CACNA1E: variants seen among roughly 807,000 people sequenced by gnomAD.
The protein encoded by CACNA1E is calcium voltage-gated channel subunit alpha1 E.
In CACNA1E, 40 loss-of-function variants were observed where a neutral mutation model predicts 259.2. The observed-to-expected ratio is 0.15, with a 90% CI of 0.12 to 0.20. The LOEUF (loss-of-function observed/expected upper bound fraction) is 0.20, where lower values mean the gene tolerates loss of function less well. Ranked by LOEUF, CACNA1E falls within the 10% of genes least tolerant of loss-of-function variation. The pLI, the probability that CACNA1E is intolerant of heterozygous loss-of-function variation, is 1.00. For missense variants in CACNA1E, 1,874 were observed against 3,040.1 expected (o/e 0.62, Z 9.02); for synonymous variants, 1,104 against 1,138.5 (o/e 0.97, Z 0.61).
intron 6 of CACNA1E, among the ~76,000 whole-genome samples, chr1:181,628,588 T>G (rs1656414847): frequency 6.6e-6 from 1 of 152,174 alleles, no homozygotes; most frequent in South Asian, 2.1e-4. Context: ...TAGTGATCAT[T>G]CCAAAACTCA....
At position 181,508,937 on chromosome 1, in the gene CACNA1E, G is replaced by A. The variant is rs141485333; in HGVS notation, c.267-1540G>A. On this transcript the variant is annotated intron_variant, in intron 1 of 47. Coordinates refer to ENST00000367573, the MANE Select transcript of CACNA1E (RefSeq NM_001205293.3). ...TGAGGCCAGGTCTGTTTTTAGTTCC[G>A]GTGGCTGAACCTCAGGGCAGCAGAG... Among the ~76,000 whole-genome samples the A allele has an allele frequency of 2.0e-3, 300 of 152,192 alleles. 2 individuals are homozygous for A. Among genetic ancestry groups the A allele is most frequent in the African/African-American group, 4.5e-3 (188 of 41,530 alleles).
chr1:181,367,980 C>T (rs1031591782), intron 1 of CACNA1E, among the ~76,000 whole-genome samples: 2 of 152,166 alleles, frequency 1.3e-5, no homozygotes, highest in African/African-American at 4.8e-5. Context: ...CCTGTAATCC[C>T]AGCACTTTGG....
At chr1:181,740,321 G>C (rs930877994) in intron 25 of CACNA1E, among the ~76,000 whole-genome samples, 1 of 152,170 alleles carries the variant, frequency 6.6e-6, no homozygotes, top group African/African-American at 2.4e-5. Context: ...TCCCTCCAAG[G>C]GTTTGCCCTT....
At chr1:181,573,527 C>T (rs909380577) in intron 3 of CACNA1E, among the ~76,000 whole-genome samples, 15 of 152,194 alleles carry the variant, frequency 9.9e-5, no homozygotes, top group Non-Finnish European at 7.3e-5. Flanking sequence ...TTACTGAGAA[C>T]TGGGAAGATC....
intron 2 of CACNA1E, among the ~76,000 whole-genome samples, chr1:181,474,894 G>A (rs1404460420): frequency 6.6e-6 from 1 of 152,178 alleles, no homozygotes; most frequent in Non-Finnish European, 1.5e-5. Flanking sequence ...TTAGTGTGCT[G>A]GAGAAGTTAC....
At chr1:181,694,541 A>C (rs539483580) in intron 7 of CACNA1E, among the ~76,000 whole-genome samples, 2 of 152,316 alleles carry the variant, frequency 1.3e-5, no homozygotes, top group South Asian at 4.1e-4. Flanking sequence ...AATTCATCCC[A>C]CTTTCCCATG....
chr1:181,708,646 A>T (rs1287165947), intron 7 of CACNA1E, among the ~76,000 whole-genome samples: 1 of 152,216 alleles, frequency 6.6e-6, no homozygotes, highest in Non-Finnish European at 1.5e-5. Flanking sequence ...GGCTAGGCAA[A>T]TATGTGGTGC....
At position 181,783,674 on chromosome 1, in the gene CACNA1E, C is replaced by A; in HGVS notation, c.5365-5C>A. On this transcript the variant is annotated splice_region_variant and splice_polypyrimidine_tract_variant and intron_variant, in intron 39 of 47. Transcript: ENST00000367573. ...CCTGCTGTTTCTTTTTTCTCTTTCA[C>A]ACAGAGGTTGGTCCTGATGAACATG... is the stretch of plus-strand genomic sequence containing the variant. 4 of 1,509,566 alleles carry A rather than the reference C, an allele frequency of 2.6e-6. No homozygotes were observed. Among genetic ancestry groups the A allele is most frequent in the Non-Finnish European group, 3.7e-6 (4 of 1,094,414 alleles). 93.5% of individuals were successfully genotyped at this position (1,509,566 alleles called of 1,614,324 possible).
At chr1:181,761,316 A>C (rs1338955215) in intron 32 of CACNA1E, among the ~76,000 whole-genome samples, 1 of 151,444 alleles carries the variant, frequency 6.6e-6, no homozygotes, top group Non-Finnish European at 1.5e-5. Context: ...TTTTCCCCCA[A>C]CTCCTCTTGC....
chr1:181,512,308 G>A (rs981553935), intron 3 of CACNA1E, among the ~76,000 whole-genome samples: 2 of 152,170 alleles, frequency 1.3e-5, no homozygotes, highest in South Asian at 2.1e-4. Context: ...GTGGCTCTTG[G>A]TACCTGCAAA....
chr1:181,520,648 A>G (rs1405862809), intron 3 of CACNA1E, among the ~76,000 whole-genome samples: 2 of 152,224 alleles, frequency 1.3e-5, no homozygotes, highest in Non-Finnish European at 2.9e-5. Context: ...GAAGTTTACT[A>G]CATATCGCAC....
chr1:181,595,214 G>A (rs146431440), intron 6 of CACNA1E, among the ~76,000 whole-genome samples: 21 of 152,232 alleles, frequency 1.4e-4, no homozygotes, highest in African/African-American at 4.8e-4. Flanking sequence ...GGAGTGTGGA[G>A]CTTGATTCCT....
At position 181,732,823 on chromosome 1, in the gene CACNA1E, A is replaced by G; in HGVS notation, c.2737A>G (p.Arg913Gly). 1 of 1,611,942 alleles carries G rather than the reference A, an allele frequency of 6.2e-7. No individual in the cohort carries two copies. The highest frequency in any genetic ancestry group is 8.5e-7 in the Non-Finnish European group (1 of 1,178,766). Reference sequence around the variant, plus strand: ...TGTGGTGACCTTTGAGGACCGGGCCAGGCACAGGCAGAGCCAACGGCGCAG... The same window carrying G: ...TGTGGTGACCTTTGAGGACCGGGCCGGGCACAGGCAGAGCCAACGGCGCAG... ...EAVVTFEDRA[R>G]HRQSQRRSRH... The change falls in exon 20 of 48, where the codon AGG (arginine) becomes GGG (glycine). Residue 913 changes from arginine (R) to glycine (G), a missense_variant. Around this residue, in one of 14 missense-constraint regions of CACNA1E, gnomAD observed 476 missense variants for 514.0 expected, o/e 0.93. Transcript: ENST00000367573. The surrounding 1 kb of genome is among the most constrained non-coding windows in gnomAD (Gnocchi z 5.5).
chr1:181,776,450 C>T lies in CACNA1E; in HGVS notation c.5267+222C>T, dbSNP rs1269088568. The T allele has an allele frequency of 5.9e-6, 3 of 506,868 alleles. No individual in the cohort carries two copies. Among genetic ancestry groups the T allele is most frequent in the Non-Finnish European group, 1.1e-5 (3 of 280,644 alleles). 31.4% of individuals were successfully genotyped at this position (506,868 alleles called of 1,614,324 possible). The stretch of plus-strand genomic sequence containing the variant: ...TCTTTCCTTCTGTGACAGGGTTTTC[C>T]CTTTGTGGGCTGGTCTCATCATCCA... On this transcript the variant is annotated intron_variant, in intron 38 of 47. Transcript: ENST00000367573. The surrounding 1 kb of genome is among the most constrained non-coding windows in gnomAD (Gnocchi z 4.4).
intron 2 of CACNA1E, among the ~76,000 whole-genome samples, chr1:181,473,989 C>T (rs766091960): frequency 2.0e-5 from 3 of 152,208 alleles, no homozygotes; most frequent in South Asian, 2.1e-4. Flanking sequence ...GAGCCTTGCA[C>T]ATTGTAAGTA....
chr1:181,318,492 G>A (rs1265162872), intron 1 of CACNA1E, among the ~76,000 whole-genome samples: 1 of 152,212 alleles, frequency 6.6e-6, no homozygotes, highest in Non-Finnish European at 1.5e-5. Flanking sequence ...CAGTGAGGGG[G>A]ACTCACGCGC....
intron 6 of CACNA1E, among the ~76,000 whole-genome samples, chr1:181,604,853 A>G (rs1214478442): frequency 6.6e-6 from 1 of 152,140 alleles, no homozygotes; most frequent in Non-Finnish European, 1.5e-5. Context: ...GAGTTTCTTA[A>G]CAGAGGTCAG....
At position 181,368,022 on chromosome 1, in the gene CACNA1E, G is replaced by C. The variant is rs368264223; in HGVS notation, c.-14-45111G>C. ...AAGGCAGGCAGATCACTTGAGGCCA[G>C]GAGTTCGAGACCAGCCTGGCCAACA... On this transcript the variant is annotated intron_variant, in intron 1 of 11. Transcript: ENST00000524607. 1.3e-5 allele frequency among the ~76,000 whole-genome samples: 2 copies of C among 152,170 alleles called. 1 individual carries two copies. Among genetic ancestry groups the C allele is most frequent in the South Asian group, 4.1e-4 (2 of 4,824 alleles).
intron 42 of CACNA1E, 37 bp from the exon 43 acceptor site, chr1:181,785,676 T>C: frequency 7.3e-7 from 1 of 1,376,936 alleles, no homozygotes; most frequent in Non-Finnish European, 1.0e-6. Context: ...CCGTAGTCAT[T>C]GGAATTCTTT....
Sources: allele counts gnomAD v4.1 joint callset (sites outside exome capture counted in the v4.1 genomes callset), GRCh38; gene constraint gnomAD v4.1.1; regional missense constraint gnomAD v4.1.1; non-coding constraint Gnocchi (gnomAD v3.1); transcripts MANE v1.5; gene names NCBI Gene and HGNC (gene_info 2026-07-23, HGNC 2026-07-21).